TXLNB: variants seen among roughly 807,000 people sequenced by gnomAD.
The protein encoded by TXLNB is taxilin beta.
Under a neutral mutation model 57.4 loss-of-function variants are expected in TXLNB, and 37 were observed. The ratio of observed to expected loss-of-function variants is 0.64; its 90% CI spans 0.50 to 0.85. TXLNB has a LOEUF of 0.85. Ranked by LOEUF, TXLNB falls within the 40% of genes least tolerant of loss-of-function variation. The pLI, the probability that TXLNB is intolerant of heterozygous loss-of-function variation, is 0.00. For missense variants in TXLNB, 848 were observed against 825.6 expected, an observed-to-expected ratio of 1.03 and a Z score of -0.33; for synonymous variants, 302 against 309.6, an observed-to-expected ratio of 0.98 and a Z score of 0.26.
At chr6:139,187,054 A>G in the TXLNB span, among the ~76,000 whole-genome samples, 2 of 152,208 alleles carry the variant, frequency 1.3e-5, no homozygotes, top group Non-Finnish European at 2.9e-5. Flanking sequence ...GGTTTCCCAG[A>G]TGTAGACATC....
chr6:139,323,931 T>C, the TXLNB span, among the ~76,000 whole-genome samples: 3 of 152,138 alleles, frequency 2.0e-5, no homozygotes, highest in Non-Finnish European at 4.4e-5. Flanking sequence ...TCCTTTCTGC[T>C]GTGGTCAGGG....
chr6:139,196,610 G>A, the TXLNB span, among the ~76,000 whole-genome samples: 2 of 26,122 alleles, frequency 7.7e-5, no homozygotes, highest in East Asian at 2.1e-4. Context: ...TCCTGACTTC[G>A]GCGATCCACC....
In TXLNB at chr6:139,291,003, T is replaced by C. The variant is rs147386925; in HGVS notation, c.-15+918A>G. ...AACTTAGAGGAAGTACTTTTTTTCT[T>C]TCACTGGTTTGAATTCACCAACTTG... On this transcript the variant is annotated intron_variant, in intron 1 of 9. Transcript: ENST00000358430. Among the ~76,000 whole-genome samples, 3 of 152,330 alleles carry C rather than the reference T, an allele frequency of 2.0e-5. No individual in the cohort carries two copies. The East Asian group carries it at 5.8e-4, about 29-fold the overall frequency.
At chr6:139,234,195 T>C in the TXLNB span, 1 of 152,178 alleles carries the variant, frequency 6.6e-6, no homozygotes, top group African/African-American at 2.4e-5. Flanking sequence ...TTGAAAAATT[T>C]GCAGCCAGAT....
chr6:139,314,026 A>T, the TXLNB span, among the ~76,000 whole-genome samples: 2 of 152,206 alleles, frequency 1.3e-5, no homozygotes, highest in African/African-American at 4.8e-5. Context: ...AAGATACCAA[A>T]TTCCAACCTG....
chr6:139,244,528 T>A, intron 9 of TXLNB, 67 bp downstream of exon 9: 1 of 1,090,148 alleles, frequency 9.2e-7, no homozygotes, highest in Non-Finnish European at 1.4e-6. Context: ...CAGGTTATAA[T>A]TGTATCGTAA....
chr6:139,251,425 A>G (rs1776202097), intron 7 of TXLNB: 1 of 152,232 alleles, frequency 6.6e-6, no homozygotes, highest in South Asian at 2.1e-4. Flanking sequence ...TGGATTTCTC[A>G]GATAACTCTA....
chr6:139,189,813 G>C, the TXLNB span, among the ~76,000 whole-genome samples: 3 of 152,180 alleles, frequency 2.0e-5, no homozygotes, highest in African/African-American at 4.8e-5. Flanking sequence ...TCACTCAGAT[G>C]GGGGATACAG....
the TXLNB span, chr6:139,178,005 A>AT: frequency 6.6e-6 from 1 of 152,230 alleles, no homozygotes; most frequent in Admixed American, 6.5e-5. Flanking sequence ...TAATTGCCAC[A>AT]TTTATTGTCC....
At chr6:139,316,350 T>C in the TXLNB span, among the ~76,000 whole-genome samples, 2 of 152,156 alleles carry the variant, frequency 1.3e-5, no homozygotes, top group Admixed American at 1.3e-4. Context: ...TTCTTATCCC[T>C]CCCCTCCCAC....
downstream of TXLNB, among the ~76,000 whole-genome samples, chr6:139,238,862 C>G (rs144152174): frequency 7.9e-5 from 12 of 152,250 alleles, no homozygotes; most frequent in East Asian, 1.5e-3. Context: ...AATTATTTTA[C>G]TTTCCCAAAT....
chr6:139,302,609 C>CAAAAA, the TXLNB span, among the ~76,000 whole-genome samples: 1 of 118,128 alleles, frequency 8.5e-6, no homozygotes, highest in African/African-American at 3.0e-5. Flanking sequence ...ACTAAAAATA[C>CAAAAA]AAAAAAAAAA....
At chr6:139,249,631 G>A (rs1417877256) in intron 7 of TXLNB, among the ~76,000 whole-genome samples, 1 of 152,128 alleles carries the variant, frequency 6.6e-6, no homozygotes, top group Non-Finnish European at 1.5e-5. Context: ...GGGTGTGAGA[G>A]GGAGTATGTA....
intron 3 of TXLNB, 125 bp downstream of exon 3, chr6:139,276,705 G>A (rs1379966526): frequency 1.1e-5 from 8 of 708,664 alleles, no homozygotes; most frequent in East Asian, 8.4e-5. Context: ...CAGGGTTAGC[G>A]CACAGACCTC....
At chr6:139,322,111 C>G in the TXLNB span, among the ~76,000 whole-genome samples, 12 of 152,278 alleles carry the variant, frequency 7.9e-5, no homozygotes, top group South Asian at 1.5e-3. Context: ...TGAGCTGCGA[C>G]TACAGGTGCA....
At chr6:139,190,662 G>A in the TXLNB span, among the ~76,000 whole-genome samples, 1 of 152,106 alleles carries the variant, frequency 6.6e-6, no homozygotes, top group Non-Finnish European at 1.5e-5. Flanking sequence ...ACATGGCAAA[G>A]GTGTGAACAA....
chr6:139,213,451 C>A, the TXLNB span, among the ~76,000 whole-genome samples: 1 of 152,172 alleles, frequency 6.6e-6, no homozygotes, highest in Non-Finnish European at 1.5e-5. Context: ...CACAACATAT[C>A]AAAATCTCTG....
At chr6:139,274,346 A>G (rs1776840593) in intron 3 of TXLNB, among the ~76,000 whole-genome samples, 1 of 152,210 alleles carries the variant, frequency 6.6e-6, no homozygotes, top group Non-Finnish European at 1.5e-5. Flanking sequence ...TTTCTATATT[A>G]ATATCCAAAT....
At chr6:139,192,983 A>T in the TXLNB span, among the ~76,000 whole-genome samples, 4 of 151,108 alleles carry the variant, frequency 2.6e-5, 1 homozygote, top group African/African-American at 9.7e-5. Context: ...AACAAAAAAA[A>T]AAAACAACAA....
Sources: allele counts gnomAD v4.1 joint callset (sites outside exome capture counted in the v4.1 genomes callset), GRCh38; gene constraint gnomAD v4.1.1; transcripts MANE v1.5; gene names NCBI Gene and HGNC (gene_info 2026-07-23, HGNC 2026-07-21).